Variants in CEP295 observed in about 807,000 individuals in gnomAD.
The protein encoded by CEP295 is centrosomal protein of 295 kDa.
Under a neutral mutation model 291.6 loss-of-function variants are expected in CEP295, and 190 were observed. That is an observed-to-expected ratio of 0.65 (90% CI 0.58 to 0.73). The LOEUF is 0.73. Among genes scored for constraint, CEP295 ranks in the 30% least tolerant of loss-of-function variants. CEP295 has a pLI of 0.00. For missense variants in CEP295, 2,863 were observed against 2,949.4 expected (o/e 0.97, Z 0.68); for synonymous variants, 993 against 1,038.8 (o/e 0.96, Z 0.85).
Position 93,702,631 on chromosome 11 carries a change from C to G in CEP295, c.5446C>G (p.Gln1816Glu). The G allele has an allele frequency of 6.5e-7, 1 of 1,542,862 alleles. No individual in the cohort carries two copies. Among genetic ancestry groups the G allele is most frequent in the Non-Finnish European group, 8.7e-7 (1 of 1,143,384 alleles). Residue 1816 changes from glutamine to glutamate, a missense_variant, in exon 16 of 30, where the codon CAA becomes GAA. Gln to Glu is a conservative substitution (Grantham distance 29, BLOSUM62 2). Around this residue, in one of 3 missense-constraint regions of CEP295, gnomAD observed 2,295 missense variants for 2,335.7 expected, o/e 0.98. Coordinates refer to ENST00000325212, the MANE Select transcript of CEP295 (RefSeq NM_033395.2). ...HLASEDTSAK[Q>E]SGEHLEKDLG... ...GGCTTCAGAAGATACTAGTGCCAAGCAAAGTGGTAAGATAATTGTGTTTGA... is the reference window on the plus strand; with the variant it reads ...GGCTTCAGAAGATACTAGTGCCAAGGAAAGTGGTAAGATAATTGTGTTTGA...
intron 7 of CEP295, 53 bp from the exon 8 acceptor site, chr11:93,683,506 T>C (rs1396955285): frequency 4.1e-5 from 54 of 1,308,102 alleles, no homozygotes; most frequent in Non-Finnish European, 5.2e-5. Context: ...ATTGTTAATA[T>C]TACCATACAA....
chr11:93,720,351 T>C (rs1209375222), intron 18 of CEP295, among the ~76,000 whole-genome samples: 1 of 151,658 alleles, frequency 6.6e-6, no homozygotes, highest in African/African-American at 2.4e-5. Context: ...TGTGTGCCTG[T>C]AATCCCAGCT....
At chr11:93,669,034 G>C in intron 4 of CEP295, 102 bp downstream of exon 4, 1 of 595,702 alleles carries the variant, frequency 1.7e-6, no homozygotes, top group Non-Finnish European at 2.9e-6. Context: ...AAACATAGTA[G>C]CATATTCATT....
chr11:93,685,380 T>C (rs1444321095), intron 9 of CEP295, among the ~76,000 whole-genome samples: 1 of 152,186 alleles, frequency 6.6e-6, no homozygotes, highest in Non-Finnish European at 1.5e-5. Flanking sequence ...GGCTTTCTTA[T>C]CATCTTCACC....
intron 18 of CEP295, 100 bp downstream of exon 18, chr11:93,706,997 C>T: frequency 1.0e-6 from 1 of 1,003,160 alleles, no homozygotes; most frequent in Non-Finnish European, 1.4e-6. Flanking sequence ...GGTAAATAAA[C>T]TTAGTTACTG....
Position 93,667,736 on chromosome 11 carries a change from C to G in CEP295, c.238C>G (p.Gln80Glu). The change falls in exon 3 of 30, where the codon CAG becomes GAG. Residue 80 changes from glutamine to glutamate, a missense_variant. Gln to Glu is a conservative substitution (Grantham distance 29). Around this residue, in one of 3 missense-constraint regions of CEP295, gnomAD observed 554 missense variants for 576.0 expected, o/e 0.96. Coordinates refer to ENST00000325212, the MANE Select transcript of CEP295 (RefSeq NM_033395.2). ...EWEESQTQKI[Q>E]NLEKLYLASL... ...GGAAGAATCACAAACTCAGAAAATACAGAACTTGGAAAAACTGTATTTGGC... is the reference window on the plus strand; with the variant it reads ...GGAAGAATCACAAACTCAGAAAATAGAGAACTTGGAAAAACTGTATTTGGC... The G allele has an allele frequency of 6.4e-7, 1 of 1,551,302 alleles. No homozygotes were observed. The highest frequency in any genetic ancestry group is 8.7e-7 in the Non-Finnish European group (1 of 1,146,794).
chr11:93,663,760 T>C (rs991197618), intron 1 of CEP295, among the ~76,000 whole-genome samples: 2 of 152,140 alleles, frequency 1.3e-5, no homozygotes. Flanking sequence ...AAATAATAAA[T>C]GTTTATATGT....
chr11:93,683,579 AG>A lies in CEP295; in HGVS notation c.787del (p.Glu263AsnfsTer17). On this transcript the variant is annotated frameshift_variant, in exon 8 of 30. Coordinates refer to ENST00000325212, the MANE Select transcript of CEP295 (RefSeq NM_033395.2). LOFTEE classifies it high-confidence loss of function. ...LAQNQEKLMK[E>X]LKQLQQEDLA... ...TGAAGAATCAGGAGAAACTAATGAA[AG>A]AACTCAAACAGCTACAGCAAGAGGA... 1 of 1,512,076 alleles carries A rather than the reference AG, an allele frequency of 6.6e-7. No individual in the cohort carries two copies. 93.7% of individuals were successfully genotyped at this position (1,512,076 alleles called of 1,614,324 possible).
intron 1 of CEP295, among the ~76,000 whole-genome samples, chr11:93,665,972 C>CA (rs1950192313): frequency 6.6e-6 from 1 of 152,164 alleles, no homozygotes; most frequent in South Asian, 2.1e-4. Context: ...TCTAAAGTGT[C>CA]AGATTATAGT....
Position 93,684,075 on chromosome 11 carries a change from C to T in CEP295, c.1061C>T (p.Ala354Val). 6.4e-7 allele frequency: 1 copy of T among 1,551,524 alleles called. No homozygotes were observed. Among genetic ancestry groups the T allele is most frequent in the African/African-American group, 1.4e-5 (1 of 73,126 alleles). ...DLSMEQENLG[A>V]AEDLPVTEAE... is the part of the protein sequence containing the mutation. ...TCAATGGAACAAGAAAATTTGGGTG[C>T]AGCTGAAGACCTTCCAGTGACAGAA... is the stretch of plus-strand genomic sequence containing the variant. The change falls in exon 9 of 30, where the codon GCA becomes GTA. Residue 354 changes from alanine (A) to valine (V), a missense_variant. Ala to Val is a moderately conservative substitution (Grantham distance 64). Coordinates refer to ENST00000325212, the MANE Select transcript of CEP295 (RefSeq NM_033395.2).
At chr11:93,719,954 T>A (rs1471162338) in intron 18 of CEP295, among the ~76,000 whole-genome samples, 2 of 152,010 alleles carry the variant, frequency 1.3e-5, no homozygotes, top group African/African-American at 4.8e-5. Flanking sequence ...ACATGATTGT[T>A]AATATGAGAC....
At chr11:93,719,730 A>C (rs530394679) in intron 18 of CEP295, 1 of 152,344 alleles carries the variant, frequency 6.6e-6, no homozygotes, top group East Asian at 1.9e-4. Flanking sequence ...AAATAAAATG[A>C]ATAATTAATA....
At chr11:93,714,541 G>T (rs1214074313) in intron 18 of CEP295, among the ~76,000 whole-genome samples, 1 of 152,210 alleles carries the variant, frequency 6.6e-6, no homozygotes, top group African/African-American at 2.4e-5. Context: ...GAGCCACCAT[G>T]CCCTGCCAAG....
chr11:93,696,268 C>A, intron 13 of CEP295, 52 bp from the exon 14 acceptor site: 1 of 1,053,240 alleles, frequency 9.5e-7, no homozygotes, highest in South Asian at 1.4e-5. Context: ...AAAAATACTT[C>A]AATACTTACT....
intron 12 of CEP295, among the ~76,000 whole-genome samples, chr11:93,694,809 C>G (rs1055829129): frequency 1.3e-5 from 2 of 152,176 alleles, no homozygotes; most frequent in African/African-American, 4.8e-5. Context: ...TTAAGATTTT[C>G]TGGCTGCTGT....
chr11:93,727,626 A>G lies in CEP295; in HGVS notation c.7150A>G (p.Ile2384Val), dbSNP rs901156014. 1.3e-6 allele frequency: 2 copies of G among 1,537,056 alleles called. No homozygotes were observed. Among genetic ancestry groups the G allele is most frequent in the Admixed American group, 2.1e-5 (1 of 47,102 alleles). Residue 2384 changes from isoleucine to valine, a missense_variant, in exon 24 of 30, where the codon ATA (isoleucine) becomes GTA (valine). By Grantham distance (29) the Ile-to-Val change is conservative (BLOSUM62 3). Coordinates refer to ENST00000325212, the MANE Select transcript of CEP295 (RefSeq NM_033395.2). The part of the protein sequence containing the change: ...SSGSFSLQSS[I>V]PVWETETGHG... Reference sequence around the variant, plus strand: ...TGGATCATTTTCATTACAGAGCTCTATACCAGTCTGGGTAAGTGAAATCAG... The same window carrying G: ...TGGATCATTTTCATTACAGAGCTCTGTACCAGTCTGGGTAAGTGAAATCAG...
chr11:93,706,809 C>A lies in CEP295; in HGVS notation c.5661C>A (p.Phe1887Leu). 1 of 1,550,576 alleles carries A rather than the reference C, an allele frequency of 6.4e-7. No individual in the cohort carries two copies. The highest frequency in any genetic ancestry group is 8.7e-7 in the Non-Finnish European group (1 of 1,146,448). The change falls in exon 18 of 30, where the codon TTC becomes TTA. Residue 1887 changes from phenylalanine (F) to leucine (L), a missense_variant. This residue lies in a region of CEP295 where 2,295 missense variants were observed against 2,335.7 expected (regional missense o/e 0.98). Coordinates refer to ENST00000325212, the MANE Select transcript of CEP295 (RefSeq NM_033395.2). ...LRVSISREQS[F>L]FGSPLAHDPF... is the part of the protein sequence containing the mutation. Reference sequence around the variant, plus strand: ...TCTCAATAAGCCGAGAACAAAGTTTCTTTGGGAGCCCACTGGCCCATGATC... The same window carrying A: ...TCTCAATAAGCCGAGAACAAAGTTTATTTGGGAGCCCACTGGCCCATGATC...
Position 93,702,541 on chromosome 11 carries a change from C to G in CEP295, c.5356C>G (p.Leu1786Val), listed in dbSNP as rs1471889086. ...LRDWFPNTQD[L>V]AGNDQENIRH... ...AGACTGGTTTCCTAATACACAAGAC[C>G]TAGCAGGAAATGATCAAGAAAATAT... is the stretch of plus-strand genomic sequence containing the variant. Residue 1786 changes from leucine to valine, a missense_variant, in exon 16 of 30, where the codon CTA (leucine) becomes GTA (valine). By Grantham distance (32) the Leu-to-Val change is conservative. Coordinates refer to ENST00000325212, the MANE Select transcript of CEP295 (RefSeq NM_033395.2). 17 of 1,550,984 alleles carry G rather than the reference C, an allele frequency of 1.1e-5. No homozygotes were observed. Among genetic ancestry groups the G allele is most frequent in the Non-Finnish European group, 1.5e-5 (17 of 1,146,564 alleles).
rs532700811 is a variant in CEP295, at chr11:93,662,173, G to A, written c.-27+399G>A. Among the ~76,000 whole-genome samples the A allele has an allele frequency of 3.3e-5, 5 of 152,322 alleles. No individual in the cohort carries two copies. In the South Asian group the frequency reaches 1.0e-3, roughly 32 times the overall value. ...CTGGATCGTTTCATGCAAAGAGCACGCTCTCTTTTGGTGTCTGCCACCTTA... is the reference window on the plus strand; with the variant it reads ...CTGGATCGTTTCATGCAAAGAGCACACTCTCTTTTGGTGTCTGCCACCTTA... On this transcript the variant is annotated intron_variant, in intron 1 of 29. Coordinates refer to ENST00000325212, the MANE Select transcript of CEP295 (RefSeq NM_033395.2).
Sources: gnomAD v4.1 joint callset for allele counts (sites outside exome capture counted in the v4.1 genomes callset) on GRCh38, gnomAD v4.1.1 for gene constraint, gnomAD v4.1.1 regional missense constraint, MANE v1.5 for transcripts, NCBI Gene and HGNC (gene_info 2026-07-23, HGNC 2026-07-21) for gene names.